The following SPART variants were observed in gnomAD, a reference collection of about 807,000 sequenced individuals.
The protein encoded by SPART is spartin, also known as spastic paraplegia 20 (Troyer syndrome).
In SPART, 35 loss-of-function variants were observed where a neutral mutation model predicts 58.7. That is an observed-to-expected ratio of 0.60 (90% CI 0.46 to 0.79). The LOEUF is 0.79. Ranked by LOEUF, SPART falls within the 30% of genes least tolerant of loss-of-function variation. The pLI, the probability that SPART is intolerant of heterozygous loss-of-function variation, is 0.00. For synonymous variants in SPART, 284 were observed against 280.7 expected (o/e 1.01, Z -0.12); for missense variants, 730 against 786.1 (o/e 0.93, Z 0.85).
At chr13:36,331,177 G>A (rs578206956) in intron 3 of SPART, among the ~76,000 whole-genome samples, 15 of 152,164 alleles carry the variant, frequency 9.9e-5, no homozygotes, top group Non-Finnish European at 2.1e-4. Flanking sequence ...GTCATTAAGT[G>A]GAAGAGTTTG....
At chr13:36,329,549 T>C (rs371489379) in intron 3 of SPART, 32 bp from the exon 4 acceptor site, 59 of 1,611,316 alleles carry the variant, frequency 3.7e-5, no homozygotes, top group Middle Eastern at 3.3e-4. Flanking sequence ...TTAACTCTAA[T>C]CAGAATTTTT....
chr13:36,350,502 C>T (rs2137689480), upstream of SPART, among the ~76,000 whole-genome samples: 1 of 152,302 alleles, frequency 6.6e-6, no homozygotes, highest in South Asian at 2.1e-4. Context: ...CTCTTTCCAC[C>T]AGAATATACC....
chr13:36,350,220 C>G (rs1327685683), upstream of SPART, among the ~76,000 whole-genome samples: 3 of 152,152 alleles, frequency 2.0e-5, no homozygotes, highest in Non-Finnish European at 4.4e-5. Context: ...CCAGGGCTTC[C>G]CCGAATTCCT....
rs896372463 is a variant in SPART at position 36,344,496 on chromosome 13, T to C, written c.-3+1729A>G. Among the ~76,000 whole-genome samples the C allele has an allele frequency of 3.0e-4, 45 of 152,204 alleles. 1 individual carries two copies. Among genetic ancestry groups the C allele is most frequent in the Admixed American group, 2.9e-3 (45 of 15,282 alleles). On this transcript the variant is annotated intron_variant, in intron 1 of 8. Coordinates refer to ENST00000438666, the MANE Select transcript of SPART (RefSeq NM_015087.5). ...GATACACGAGAGAAGAGCCTGGGTA[T>C]CTAGAGGTTATATATAAGTCTAATG...
chr13:36,338,011 T>A (rs1053714912), intron 1 of SPART, among the ~76,000 whole-genome samples: 1 of 152,124 alleles, frequency 6.6e-6, no homozygotes, highest in Non-Finnish European at 1.5e-5. Flanking sequence ...CTGCAAAACT[T>A]ATGGTCAAAG....
At chr13:36,311,573 GA>G (rs1296214036) in intron 8 of SPART, among the ~76,000 whole-genome samples, 2 of 152,098 alleles carry the variant, frequency 1.3e-5, no homozygotes, top group Non-Finnish European at 2.9e-5. Flanking sequence ...AAGGTATACA[GA>G]AATTCCAGGC....
chr13:36,340,703 G>T (rs1402162942), intron 1 of SPART, among the ~76,000 whole-genome samples: 1 of 152,036 alleles, frequency 6.6e-6, no homozygotes, highest in East Asian at 1.9e-4. Flanking sequence ...CTCCAGGGTG[G>T]AGTAGGAGAC....
At chr13:36,347,001 C>G (rs141429051), upstream of SPART, among the ~76,000 whole-genome samples, 1 of 152,182 alleles carries the variant, frequency 6.6e-6, no homozygotes, top group East Asian at 1.9e-4. Flanking sequence ...TGTGTAAAGT[C>G]TATATCACTA....
At chr13:36,352,213 A>G (rs956201237) in intron 1 of SPART, among the ~76,000 whole-genome samples, 13 of 152,232 alleles carry the variant, frequency 8.5e-5, no homozygotes, top group African/African-American at 3.1e-4. Context: ...CAAAAGATCA[A>G]TAATTGTGAT....
intron 1 of SPART, among the ~76,000 whole-genome samples, chr13:36,362,420 G>A (rs1885901215): frequency 6.6e-6 from 1 of 151,418 alleles, no homozygotes; most frequent in Non-Finnish European, 1.5e-5. Context: ...CAGCTGTGAA[G>A]GGGTGTAGCT....
intron 1 of SPART, among the ~76,000 whole-genome samples, chr13:36,369,062 T>A (rs1886175985): frequency 6.6e-6 from 1 of 152,202 alleles, no homozygotes. Context: ...ATGCTATTTT[T>A]CTCAAAAATT....
At chr13:36,359,948 C>T (rs11842191) in intron 1 of SPART, among the ~76,000 whole-genome samples, 2 of 105,134 alleles carry the variant, frequency 1.9e-5, no homozygotes, top group Admixed American at 1.8e-4. Context: ...AAAAACACCT[C>T]TTTGAACATA....
At chr13:36,334,549 T>A (rs1175676708) in intron 2 of SPART, among the ~76,000 whole-genome samples, 1 of 152,056 alleles carries the variant, frequency 6.6e-6, no homozygotes, top group East Asian at 1.9e-4. Flanking sequence ...CAAAAATGCC[T>A]CCAGACATTG....
chr13:36,322,719 A>G (rs1410798461), intron 5 of SPART, among the ~76,000 whole-genome samples: 2 of 152,312 alleles, frequency 1.3e-5, no homozygotes, highest in East Asian at 3.9e-4. Context: ...ATCATATGAC[A>G]TGTATCTTAT....
chr13:36,313,512 C>T (rs1593226290), intron 6 of SPART, among the ~76,000 whole-genome samples: 2 of 152,230 alleles, frequency 1.3e-5, no homozygotes, highest in Admixed American at 1.3e-4. Flanking sequence ...CTCAGTGACT[C>T]ACTCAGAGCA....
chr13:36,342,724 G>C (rs1416746431), intron 1 of SPART, among the ~76,000 whole-genome samples: 2 of 152,006 alleles, frequency 1.3e-5, no homozygotes, highest in Non-Finnish European at 2.9e-5. Flanking sequence ...CTTCAAACTG[G>C]GGGATGTGTG....
At chr13:36,368,394 A>C (rs1593300380) in intron 1 of SPART, 1 of 164,730 alleles carries the variant, frequency 6.1e-6, no homozygotes. Flanking sequence ...GAAATAAAAT[A>C]CGCTCCAAAA....
chr13:36,336,190 T>G (rs528795043), intron 1 of SPART: 10 of 178,508 alleles, frequency 5.6e-5, no homozygotes, highest in Non-Finnish European at 1.2e-4. Flanking sequence ...TTCATTATAA[T>G]ATAAATCCAG....
chr13:36,314,374 C>G lies in SPART; in HGVS notation c.1336G>C (p.Gly446Arg). 6.2e-7 allele frequency: 1 copy of G among 1,614,088 alleles called. No individual in the cohort carries two copies. The highest frequency in any genetic ancestry group is 8.5e-7 in the Non-Finnish European group (1 of 1,180,008). The change falls in exon 6 of 9, where the codon GGT (glycine) becomes CGT (arginine). Residue 446 changes from glycine to arginine, a missense_variant. By Grantham distance (125) the Gly-to-Arg change is moderately radical. Coordinates refer to ENST00000438666, the MANE Select transcript of SPART (RefSeq NM_015087.5). ...WGLVKGAEIT[G>R]KAIQKGASKL... is the part of the protein sequence containing the mutation. ...GAAGCACCTTTCTGGATTGCCTTAC[C>G]AGTAATCTCAGCACCTTTGACTAAA...
Sources: allele counts gnomAD v4.1 joint callset (sites outside exome capture counted in the v4.1 genomes callset), GRCh38; gene constraint gnomAD v4.1.1; transcripts MANE v1.5; gene names NCBI Gene and HGNC (gene_info 2026-07-23, HGNC 2026-07-21).